C9: variants seen among roughly 807,000 people sequenced by gnomAD.
C9 encodes the protein complement component C9.
A neutral mutation model predicts 65.4 loss-of-function variants in C9; 63 were observed. The ratio of observed to expected loss-of-function variants is 0.96; its 90% confidence interval spans 0.79 to 1.19. The LOEUF (loss-of-function observed/expected upper bound fraction) is 1.19. Among genes scored for constraint, C9 ranks in the 50% most tolerant of loss-of-function variants. The pLI is 0.00. For missense variants in C9, 744 were observed against 670.1 expected (o/e 1.11, Z -1.22); for synonymous variants, 229 against 227.9 (o/e 1.00, Z -0.04).
intron 7 of C9, among the ~76,000 whole-genome samples, chr5:39,309,262 A>G (rs547379489): frequency 6.6e-6 from 1 of 152,190 alleles, no homozygotes; most frequent in African/African-American, 2.4e-5. Flanking sequence ...TTTATTTCAT[A>G]CATGCAAACA....
At chr5:39,354,913 G>T (rs942129784) in intron 1 of C9, among the ~76,000 whole-genome samples, 1 of 152,182 alleles carries the variant, frequency 6.6e-6, no homozygotes, top group Non-Finnish European at 1.5e-5. Flanking sequence ...AGGAGGTAAA[G>T]GAATCTCATT....
intron 1 of C9, among the ~76,000 whole-genome samples, chr5:39,355,459 T>A (rs1182908454): frequency 3.4e-5 from 2 of 58,692 alleles, no homozygotes; most frequent in Non-Finnish European, 1.5e-4. Flanking sequence ...GGACTCCTTT[T>A]TGTTTTTTTT....
intron 5 of C9, among the ~76,000 whole-genome samples, chr5:39,325,771 CAAA>C (rs34079563): frequency 2.2e-5 from 2 of 92,454 alleles, no homozygotes; most frequent in Admixed American, 1.2e-4. Flanking sequence ...GACTCCATCT[CAAA>C]AAAAAAAAAA....
intron 9 of C9, among the ~76,000 whole-genome samples, chr5:39,294,310 C>T (rs1753147287): frequency 6.6e-6 from 1 of 150,938 alleles, no homozygotes; most frequent in African/African-American, 2.4e-5. Context: ...ACAAAATAAA[C>T]AAACAATAGC....
At chr5:39,333,848 G>C (rs1445993183) in intron 4 of C9, among the ~76,000 whole-genome samples, 2 of 152,124 alleles carry the variant, frequency 1.3e-5, no homozygotes, top group African/African-American at 2.4e-5. Flanking sequence ...TCCTAACCGC[G>C]AGTGATCCGC....
At position 39,303,556 on chromosome 5, in the gene C9, T is replaced by C. The variant is rs1178469367; in HGVS notation, c.1416+3061A>G. 4.7e-5 allele frequency among the ~76,000 whole-genome samples: 7 copies of C among 149,104 alleles called. No individual in the cohort carries two copies. The Admixed American group carries it at 4.7e-4, about 10-fold the overall frequency. ...ATTATATTTATAATTATATATACTA[T>C]ATATTTATAACATATATATTTTACC... On this transcript the variant is annotated intron_variant, in intron 9 of 10. Coordinates refer to ENST00000263408, the MANE Select transcript of C9 (RefSeq NM_001737.5).
At chr5:39,290,257 G>C (rs1221985990) in intron 9 of C9, among the ~76,000 whole-genome samples, 1 of 151,824 alleles carries the variant, frequency 6.6e-6, no homozygotes. Flanking sequence ...AAATTAAAAA[G>C]TTCTTATAAT....
chr5:39,320,843 C>T (rs771026374), intron 5 of C9, among the ~76,000 whole-genome samples: 1 of 152,038 alleles, frequency 6.6e-6, no homozygotes, highest in African/African-American at 2.4e-5. Context: ...TCAGCAAAAG[C>T]CTTGAATCCA....
chr5:39,308,211 C>A lies in C9; in HGVS notation c.1240+19G>T, dbSNP rs369873523. 39 of 1,611,008 alleles carry A rather than the reference C, an allele frequency of 2.4e-5. No individual in the cohort carries two copies. The highest frequency in any genetic ancestry group is 2.4e-4 in the African/African-American group (18 of 74,950). ...TACCCTCAGGCTTTATAAAATCTAACAAGTGAGGCCACACTTACCAGCTCT... is the reference window on the plus strand; with the variant it reads ...TACCCTCAGGCTTTATAAAATCTAAAAAGTGAGGCCACACTTACCAGCTCT... On this transcript the variant is annotated intron_variant, in intron 8 of 10. Coordinates refer to ENST00000263408, the MANE Select transcript of C9 (RefSeq NM_001737.5).
In C9 at chr5:39,349,849, G is replaced by A. The variant is rs369912376; in HGVS notation, c.78-7653C>T. Among the ~76,000 whole-genome samples, 20 of 151,942 alleles carry A rather than the reference G, an allele frequency of 1.3e-4. No individual in the cohort carries two copies. The East Asian group carries it at 1.7e-3, about 13-fold the overall frequency. ...GGTACTCCTACTCTTTTATGCAGGC[G>A]CCTCTTCTTCTGATAGTCCTTGAAA... On this transcript the variant is annotated intron_variant, in intron 1 of 10. Coordinates refer to ENST00000263408, the MANE Select transcript of C9 (RefSeq NM_001737.5).
chr5:39,347,948 G>A (rs1103808), intron 1 of C9, among the ~76,000 whole-genome samples: 134,734 of 141,538 alleles, frequency 0.95, 64,289 homozygotes, highest in Non-Finnish European at 0.98. Context: ...AAATGGTGCT[G>A]GGAAAACTGG....
intron 1 of C9, among the ~76,000 whole-genome samples, chr5:39,362,901 C>G (rs970094713): frequency 6.6e-6 from 1 of 152,082 alleles, no homozygotes; most frequent in Non-Finnish European, 1.5e-5. Flanking sequence ...GCCCACGAAA[C>G]CAAACCAAAC....
At chr5:39,342,218 GT>G in intron 1 of C9, 22 bp from the exon 2 acceptor site, 1 of 1,225,376 alleles carries the variant, frequency 8.2e-7, no homozygotes, top group Non-Finnish European at 1.2e-6. Flanking sequence ...GAACATCCCA[GT>G]TTATAATGAC....
At chr5:39,359,927 C>T (rs1754483688) in intron 1 of C9, among the ~76,000 whole-genome samples, 1 of 152,156 alleles carries the variant, frequency 6.6e-6, no homozygotes, top group African/African-American at 2.4e-5. Flanking sequence ...ATTAAATGGA[C>T]AAATACACAA....
chr5:39,315,799 T>C lies in C9; in HGVS notation c.846A>G (p.Leu282=). The C allele has an allele frequency of 1.2e-6, 2 of 1,604,942 alleles. No homozygotes were observed. Among genetic ancestry groups the C allele is most frequent in the Non-Finnish European group, 1.7e-6 (2 of 1,172,016 alleles). ...FSYSKNETYQ[L]FLSYSSKKEK... Reference sequence around the variant, plus strand: ...CCTTCTTTGAAGAATATGACAAAAATAGTTGGTAAGTTTCATTTTTGGAAT... The same window carrying C: ...CCTTCTTTGAAGAATATGACAAAAACAGTTGGTAAGTTTCATTTTTGGAAT... Residue 282 remains leucine, a synonymous_variant, in exon 6 of 11, where the codon CTA becomes CTG. Transcript: ENST00000263408.
At chr5:39,305,498 G>A (rs979058277) in intron 9 of C9, among the ~76,000 whole-genome samples, 2 of 152,052 alleles carry the variant, frequency 1.3e-5, no homozygotes, top group Non-Finnish European at 2.9e-5. Context: ...GGAGTAGGGA[G>A]CAGTCAAAAA....
In C9 at chr5:39,316,040, A is replaced by T; in HGVS notation, c.616-11T>A. On this transcript the variant is annotated splice_polypyrimidine_tract_variant and intron_variant, in intron 5 of 10. Coordinates refer to ENST00000263408, the MANE Select transcript of C9 (RefSeq NM_001737.5). ...TTTCTCGCCTTTGGTCTAAAAGAGA[A>T]TAAAAAAGTGTTGTTAAAAACAAGA... The T allele has an allele frequency of 6.2e-7, 1 of 1,606,672 alleles. No individual in the cohort carries two copies. Among genetic ancestry groups the T allele is most frequent in the East Asian group, 2.2e-5 (1 of 44,742 alleles).
intron 5 of C9, among the ~76,000 whole-genome samples, chr5:39,320,747 G>A (rs1218023900): frequency 6.6e-6 from 1 of 152,050 alleles, no homozygotes; most frequent in Non-Finnish European, 1.5e-5. Flanking sequence ...AAACTCAAAA[G>A]TCATACAATA....
chr5:39,293,567 A>C (rs1334023550), intron 9 of C9, among the ~76,000 whole-genome samples: 1 of 152,012 alleles, frequency 6.6e-6, no homozygotes, highest in African/African-American at 2.4e-5. Flanking sequence ...TACATAAAGC[A>C]AATATTAGAT....
Sources: allele counts gnomAD v4.1 joint callset (sites outside exome capture counted in the v4.1 genomes callset), GRCh38; gene constraint gnomAD v4.1.1; transcripts MANE v1.5; gene names NCBI Gene and HGNC (gene_info 2026-07-23, HGNC 2026-07-21).